The following GALM variants were observed in gnomAD, a reference collection of about 807,000 sequenced individuals.
GALM encodes aldose 1-epimerase.
GALM carries 43 observed loss-of-function variants against 37.4 expected under a neutral mutation model. The ratio of observed to expected loss-of-function variants is 1.15; its 90% confidence interval spans 0.90 to 1.48. GALM has a LOEUF of 1.48. Among genes scored for constraint, GALM ranks in the 40% most tolerant of loss-of-function variants. GALM has a pLI of 0.00. For missense variants in GALM, 456 were observed against 419.1 expected (o/e 1.09, Z -0.77); for synonymous variants, 199 against 170.6 (o/e 1.17, Z -1.30).
intron 4 of GALM, among the ~76,000 whole-genome samples, chr2:38,705,182 C>G (rs2148445401): frequency 6.6e-6 from 1 of 152,294 alleles, no homozygotes; most frequent in South Asian, 2.1e-4. Flanking sequence ...CTTCCTCCAG[C>G]CCAGGTCTGG....
chr2:38,678,068 G>GTGCAA (rs2148427985), intron 2 of GALM, among the ~76,000 whole-genome samples: 2 of 150,322 alleles, frequency 1.3e-5, no homozygotes, highest in Non-Finnish European at 3.0e-5. Context: ...CCAGGCTGGA[G>GTGCAA]TGCAATGGCG....
intron 1 of GALM, among the ~76,000 whole-genome samples, chr2:38,673,869 G>A (rs953474103): frequency 9.2e-5 from 14 of 151,594 alleles, no homozygotes; most frequent in Non-Finnish European, 1.8e-4. Context: ...GATATGTCAT[G>A]ACATGGAGCA....
Position 38,733,624 on chromosome 2 carries a change from G to GA in GALM, c.*65dup, listed in dbSNP as rs2148461781. 1.7e-6 allele frequency: 2 copies of GA among 1,191,594 alleles called. No individual in the cohort carries two copies. 73.8% of individuals were successfully genotyped at this position (1,191,594 alleles called of 1,614,324 possible). ...GGCTCAGCCACCTGTCTCCTGTCCAGAAAAAAGGTGAAGATTAAGAAGCTT... is the reference window on the plus strand; with the variant it reads ...GGCTCAGCCACCTGTCTCCTGTCCAGAAAAAAAGGTGAAGATTAAGAAGCTT... On this transcript the variant is annotated 3_prime_UTR_variant, in exon 7 of 7. Transcript: ENST00000272252.
chr2:38,725,549 T>TAC (rs112827171), intron 4 of GALM, among the ~76,000 whole-genome samples: 22,776 of 148,622 alleles, frequency 0.15, 2,482 homozygotes, highest in African/African-American at 0.33. Flanking sequence ...AACACACACA[T>TAC]ACACACACAC....
intron 4 of GALM, among the ~76,000 whole-genome samples, chr2:38,712,379 G>T (rs1031599273): frequency 2.6e-5 from 4 of 152,152 alleles, no homozygotes; most frequent in African/African-American, 9.7e-5. Context: ...CCTAGAGAGT[G>T]GTCAGGCATG....
chr2:38,684,201 C>T (rs1236740828), intron 3 of GALM, among the ~76,000 whole-genome samples: 3 of 151,816 alleles, frequency 2.0e-5, no homozygotes, highest in East Asian at 1.9e-4. Context: ...CTATTTGGGC[C>T]CAAGTATTGC....
intron 4 of GALM, among the ~76,000 whole-genome samples, chr2:38,714,230 T>C (rs1441780536): frequency 6.6e-6 from 1 of 152,082 alleles, no homozygotes; most frequent in East Asian, 1.9e-4. Flanking sequence ...GTTGTTGTTT[T>C]TTGAGATGGA....
intron 4 of GALM, among the ~76,000 whole-genome samples, chr2:38,713,137 C>T (rs1666204458): frequency 6.6e-6 from 1 of 152,178 alleles, no homozygotes; most frequent in African/African-American, 2.4e-5. Flanking sequence ...CTGCCATCAG[C>T]ATGGGCTCCC....
At chr2:38,694,130 T>C (rs1665747248) in intron 4 of GALM, among the ~76,000 whole-genome samples, 1 of 152,008 alleles carries the variant, frequency 6.6e-6, no homozygotes, top group Non-Finnish European at 1.5e-5. Flanking sequence ...TGCAGTGAGC[T>C]GTGATTGTGC....
chr2:38,725,341 C>G (rs1318409623), intron 4 of GALM, among the ~76,000 whole-genome samples: 1 of 149,468 alleles, frequency 6.7e-6, no homozygotes, highest in Non-Finnish European at 1.5e-5. Flanking sequence ...TTGAAACCAG[C>G]CTGCGCAACA....
intron 2 of GALM, among the ~76,000 whole-genome samples, chr2:38,679,242 C>T (rs925259593): frequency 1.3e-5 from 2 of 152,172 alleles, no homozygotes; most frequent in African/African-American, 4.8e-5. Context: ...CCGCCTTGGC[C>T]TCCCAAAGTG....
intron 4 of GALM, among the ~76,000 whole-genome samples, chr2:38,726,823 G>A (rs1666495590): frequency 6.6e-6 from 1 of 151,856 alleles, no homozygotes; most frequent in Non-Finnish European, 1.5e-5. Context: ...TTGAACCTGG[G>A]AGGCCAAGGT....
chr2:38,684,974 G>C (rs886949273), intron 3 of GALM, among the ~76,000 whole-genome samples: 15 of 152,246 alleles, frequency 9.9e-5, no homozygotes, highest in African/African-American at 3.6e-4. Context: ...TGCTTCCTCA[G>C]TATTTTGGCT....
intron 4 of GALM, among the ~76,000 whole-genome samples, chr2:38,693,534 C>G (rs1665733523): frequency 6.6e-6 from 1 of 150,894 alleles, no homozygotes; most frequent in Admixed American, 6.6e-5. Context: ...ACCAGCCATA[C>G]TCCATTAAGA....
In GALM at chr2:38,681,311, G is replaced by C. The variant is rs1461074129; in HGVS notation, c.377G>C (p.Gly126Ala). ...TGGACCCCTCGGGTGCTGTCAAATG[G>C]CGTCCAGTTCTCGCGCATCAGTCCA... ...VLWTPRVLSN[G>A]VQFSRISPDG... is the part of the protein sequence containing the mutation. Residue 126 changes from glycine to alanine, a missense_variant, in exon 3 of 7, where the codon GGC (glycine) becomes GCC (alanine). Transcript: ENST00000272252. 3 of 1,613,614 alleles carry C rather than the reference G, an allele frequency of 1.9e-6. No homozygotes were observed. In the South Asian group the frequency reaches 3.3e-5, roughly 18 times the overall value.
At chr2:38,721,573 G>A (rs1158884374) in intron 4 of GALM, among the ~76,000 whole-genome samples, 5 of 152,176 alleles carry the variant, frequency 3.3e-5, no homozygotes, top group Non-Finnish European at 7.3e-5. Flanking sequence ...GAGTGCAGTG[G>A]CATGATCATG....
chr2:38,670,097 C>T (rs1043893755), intron 1 of GALM, among the ~76,000 whole-genome samples: 6 of 151,892 alleles, frequency 4.0e-5, no homozygotes, highest in Non-Finnish European at 2.9e-5. Flanking sequence ...CTCCTGACCT[C>T]AAGTGATCCA....
At chr2:38,671,987 AAAAAAC>A (rs1488865393) in intron 1 of GALM, among the ~76,000 whole-genome samples, 1 of 152,086 alleles carries the variant, frequency 6.6e-6, no homozygotes, top group Admixed American at 6.5e-5. Context: ...CCCTGTCTCA[AAAAAAC>A]AAAAACAAAA....
intron 4 of GALM, among the ~76,000 whole-genome samples, chr2:38,702,699 G>A (rs1665943546): frequency 6.6e-6 from 1 of 151,924 alleles, no homozygotes; most frequent in African/African-American, 2.4e-5. Flanking sequence ...TTTAGTCACA[G>A]ATCCAAAGTA....
Sources: allele counts gnomAD v4.1 joint callset (sites outside exome capture counted in the v4.1 genomes callset), GRCh38; gene constraint gnomAD v4.1.1; transcripts MANE v1.5; gene names NCBI Gene and HGNC (gene_info 2026-07-23, HGNC 2026-07-21).